The following DGKI variants were observed in gnomAD, a reference collection of about 807,000 sequenced individuals.
DGKI encodes DAG kinase iota.
A neutral mutation model predicts 147.5 loss-of-function variants in DGKI; 55 were observed. That is an observed-to-expected ratio of 0.37 (90% CI 0.30 to 0.47). The LOEUF (loss-of-function observed/expected upper bound fraction) is 0.47. Among genes scored for constraint, DGKI ranks in the 20% least tolerant of loss-of-function variants. The pLI, the probability that DGKI is intolerant of heterozygous loss-of-function variation, is 1.00. For synonymous variants in DGKI, 469 were observed against 477.1 expected (o/e 0.98, Z 0.22); for missense variants, 1,007 against 1,323.8 (o/e 0.76, Z 3.71).
chr7:137,434,234 T>C (rs10234672), intron 28 of DGKI, among the ~76,000 whole-genome samples: 64,775 of 152,000 alleles, frequency 0.43, 14,405 homozygotes, highest in East Asian at 0.75. Context: ...ACTTAAATAT[T>C]CTATAACCCC....
At chr7:137,540,001 C>A (rs955356415) in intron 20 of DGKI, among the ~76,000 whole-genome samples, 19 of 152,144 alleles carry the variant, frequency 1.2e-4, no homozygotes, top group Admixed American at 3.9e-4. Flanking sequence ...GGACCAATTC[C>A]TCAAATACTT....
intron 1 of DGKI, among the ~76,000 whole-genome samples, chr7:137,830,643 G>A (rs1798191629): frequency 6.6e-6 from 1 of 152,224 alleles, no homozygotes; most frequent in African/African-American, 2.4e-5. Flanking sequence ...TAGAATGAAA[G>A]TGGAGATGGT....
chr7:137,538,614 C>T (rs994737109), intron 20 of DGKI, among the ~76,000 whole-genome samples: 1 of 152,128 alleles, frequency 6.6e-6, no homozygotes, highest in Non-Finnish European at 1.5e-5. Context: ...AGTTGTTTTG[C>T]TGAATTTAGC....
intron 30 of DGKI, 34 bp downstream of exon 30, chr7:137,407,837 GGTAA>G (rs1359041588): frequency 8.6e-5 from 138 of 1,609,114 alleles, no homozygotes; most frequent in Non-Finnish European, 1.1e-4. Flanking sequence ...GGATTTCACA[GGTAA>G]GTGATCCTTG....
intron 32 of DGKI, among the ~76,000 whole-genome samples, chr7:137,391,766 C>T (rs1006577618): frequency 1.3e-5 from 2 of 152,104 alleles, no homozygotes; most frequent in Non-Finnish European, 2.9e-5. Flanking sequence ...GTTTAGGACT[C>T]TTTCTATTAT....
At chr7:137,765,510 C>A (rs1322936158) in intron 1 of DGKI, among the ~76,000 whole-genome samples, 1 of 152,154 alleles carries the variant, frequency 6.6e-6, no homozygotes, top group Non-Finnish European at 1.5e-5. Flanking sequence ...AAGTCACTGC[C>A]CAGAGCAAGT....
At chr7:137,701,646 T>C (rs549294604) in intron 1 of DGKI, among the ~76,000 whole-genome samples, 131 of 152,218 alleles carry the variant, frequency 8.6e-4, no homozygotes, top group Non-Finnish European at 1.6e-3. Flanking sequence ...AAAATATTTG[T>C]AAGACCTTAC....
intron 6 of DGKI, among the ~76,000 whole-genome samples, chr7:137,636,499 G>A (rs139484761): frequency 7.4e-4 from 113 of 152,288 alleles, no homozygotes; most frequent in African/African-American, 2.4e-3. Context: ...ATTGAATACT[G>A]TGGCTTTCCA....
At chr7:137,824,775 ATTTAGC>A (rs1483614104) in intron 1 of DGKI, among the ~76,000 whole-genome samples, 2 of 152,038 alleles carry the variant, frequency 1.3e-5, no homozygotes, top group African/African-American at 4.8e-5. Context: ...TGTTTTCATC[ATTTAGC>A]TCCCAGTTAT....
At chr7:137,480,343 G>A (rs1306118051) in intron 23 of DGKI, among the ~76,000 whole-genome samples, 1 of 152,116 alleles carries the variant, frequency 6.6e-6, no homozygotes, top group Non-Finnish European at 1.5e-5. Flanking sequence ...ATCTATTGAA[G>A]GACTCTTCTA....
intron 10 of DGKI, among the ~76,000 whole-genome samples, chr7:137,600,822 T>C (rs540938768): frequency 6.6e-6 from 1 of 152,340 alleles, no homozygotes; most frequent in South Asian, 2.1e-4. Context: ...ATTTTCAATC[T>C]CCATGCCTAT....
intron 28 of DGKI, among the ~76,000 whole-genome samples, chr7:137,430,428 T>C (rs1813019646): frequency 7.2e-6 from 1 of 138,480 alleles, no homozygotes; most frequent in African/African-American, 2.6e-5. Context: ...GGGGGAGGGA[T>C]GGCATTAGGA....
chr7:137,794,121 A>G (rs1417047063), intron 1 of DGKI, among the ~76,000 whole-genome samples: 21 of 152,186 alleles, frequency 1.4e-4, no homozygotes, highest in Admixed American at 1.4e-3. Flanking sequence ...GTCCCCAAAA[A>G]TGTTACAGTT....
chr7:137,681,074 A>G (rs1259440658), intron 2 of DGKI, among the ~76,000 whole-genome samples: 1 of 152,178 alleles, frequency 6.6e-6, no homozygotes, highest in Non-Finnish European at 1.5e-5. Context: ...TATAGATGTC[A>G]AGGGCTTCAG....
intron 10 of DGKI, among the ~76,000 whole-genome samples, chr7:137,604,462 A>T (rs1395990370): frequency 1.3e-5 from 2 of 152,154 alleles, no homozygotes; most frequent in Non-Finnish European, 2.9e-5. Flanking sequence ...CCCCTGACTT[A>T]GGAGGGGTGG....
chr7:137,814,267 C>A (rs1262859328), intron 1 of DGKI, among the ~76,000 whole-genome samples: 1 of 152,142 alleles, frequency 6.6e-6, no homozygotes, highest in African/African-American at 2.4e-5. Context: ...AGCTCCTCTG[C>A]ACTGGAATGG....
chr7:137,493,327 C>T (rs982703039), intron 21 of DGKI, among the ~76,000 whole-genome samples: 2 of 152,240 alleles, frequency 1.3e-5, no homozygotes, highest in African/African-American at 4.8e-5. Flanking sequence ...CTGGAAGCCC[C>T]TGGCTCACCA....
At chr7:137,609,668 T>C (rs1301832511) in intron 8 of DGKI, 59 bp from the exon 9 acceptor site, 2 of 1,263,566 alleles carry the variant, frequency 1.6e-6, no homozygotes, top group Non-Finnish European at 2.3e-6. Flanking sequence ...AGCTTTCCCA[T>C]GCAGAACCAA....
intron 30 of DGKI, among the ~76,000 whole-genome samples, chr7:137,401,391 C>T (rs991017924): frequency 5.9e-5 from 9 of 151,464 alleles, no homozygotes; most frequent in African/African-American, 7.3e-5. Flanking sequence ...ATTAGCTGGG[C>T]GTGGTGGTAC....
Sources: allele counts gnomAD v4.1 joint callset (sites outside exome capture counted in the v4.1 genomes callset), GRCh38; gene constraint gnomAD v4.1.1; transcripts MANE v1.5; gene names NCBI Gene and HGNC (gene_info 2026-07-23, HGNC 2026-07-21).